The following NRXN1 variants were observed in gnomAD, a reference collection of about 807,000 sequenced individuals.
NRXN1 encodes the protein neurexin 1.
In NRXN1, 39 loss-of-function variants were observed where a neutral mutation model predicts 150.9. That is an observed-to-expected ratio of 0.26 (90% CI 0.20 to 0.34). The LOEUF (loss-of-function observed/expected upper bound fraction) is 0.34. NRXN1 is among the 10% of genes least tolerant of loss of function. The probability of loss-of-function intolerance (pLI) is 1.00; values close to 1 mark genes in which losing one functional copy is unlikely to be tolerated. For synonymous variants in NRXN1, 924 were observed against 757.0 expected, an observed-to-expected ratio of 1.22 and a Z score of -3.62; for missense variants, 1,815 against 1,949.9, an observed-to-expected ratio of 0.93 and a Z score of 1.30.
intron 8 of NRXN1, among the ~76,000 whole-genome samples, chr2:50,596,863 C>CTTTTTTTT (rs3053104): frequency 1.1e-4 from 10 of 92,174 alleles, no homozygotes; most frequent in Non-Finnish European, 1.6e-4. Flanking sequence ...ATTCCTAGGA[C>CTTTTTTTT]TTTTTTTTTT....
At chr2:50,800,643 G>A (rs538249395) in intron 5 of NRXN1, among the ~76,000 whole-genome samples, 10 of 152,054 alleles carry the variant, frequency 6.6e-5, no homozygotes, top group Non-Finnish European at 1.2e-4. Flanking sequence ...TCCACCTCCC[G>A]GGTTCAGGCA....
intron 16 of NRXN1, among the ~76,000 whole-genome samples, chr2:50,471,333 C>A (rs1171231750): frequency 6.6e-6 from 1 of 151,810 alleles, no homozygotes; most frequent in Admixed American, 6.6e-5. Flanking sequence ...GCAGCTCCCA[C>A]TTATAAGTGA....
At chr2:50,748,372 C>T (rs1700231224) in intron 5 of NRXN1, among the ~76,000 whole-genome samples, 2 of 152,074 alleles carry the variant, frequency 1.3e-5, no homozygotes, top group South Asian at 2.1e-4. Context: ...AATAAAATGT[C>T]GATTTGATTT....
intron 11 of NRXN1, among the ~76,000 whole-genome samples, chr2:50,529,173 A>C (rs1164889848): frequency 2.0e-5 from 3 of 152,166 alleles, no homozygotes; most frequent in Non-Finnish European, 4.4e-5. Flanking sequence ...TTTGTTTTTA[A>C]ATTTTATTTG....
intron 18 of NRXN1, among the ~76,000 whole-genome samples, chr2:50,110,379 C>A (rs1264150908): frequency 6.6e-6 from 1 of 151,366 alleles, no homozygotes; most frequent in Non-Finnish European, 1.5e-5. Flanking sequence ...GTAGTCCCAG[C>A]TGCTCGGGAG....
intron 15 of NRXN1, among the ~76,000 whole-genome samples, chr2:50,490,880 C>T (rs575753580): frequency 2.6e-5 from 4 of 152,252 alleles, no homozygotes; most frequent in African/African-American, 9.6e-5. Context: ...GTCTGTCTTA[C>T]TTCCTACTGG....
intron 5 of NRXN1, among the ~76,000 whole-genome samples, chr2:50,898,038 C>T (rs1682292985): frequency 6.6e-6 from 1 of 152,048 alleles, no homozygotes; most frequent in South Asian, 2.1e-4. Context: ...TTTAGATATG[C>T]CAGGTCACAC....
intron 5 of NRXN1, among the ~76,000 whole-genome samples, chr2:50,669,283 A>T (rs1253060803): frequency 6.6e-6 from 1 of 151,678 alleles, no homozygotes; most frequent in East Asian, 1.9e-4. Flanking sequence ...AGTTGAAAAA[A>T]CTCGGCAGGA....
Position 50,115,828 on chromosome 2 carries a change from C to T in NRXN1, c.3547-24334G>A, listed in dbSNP as rs575347958. Among the ~76,000 whole-genome samples, 16 of 152,136 alleles carry T rather than the reference C, an allele frequency of 1.1e-4. 1 individual carries two copies. In the South Asian group the frequency reaches 3.1e-3, roughly 30 times the overall value. ...AATGTGAACAGAGGCAACAGTCTTT[C>T]TGTTACATAAGAATCATGTACATAT... On this transcript the variant is annotated intron_variant, in intron 18 of 22. Transcript: ENST00000401669.
chr2:50,456,836 C>A (rs558375447), intron 17 of NRXN1, among the ~76,000 whole-genome samples: 1 of 152,048 alleles, frequency 6.6e-6, no homozygotes, highest in Non-Finnish European at 1.5e-5. Context: ...ACACTAATAA[C>A]CTCCGACTTA....
chr2:49,971,253 C>T (rs911994487), intron 21 of NRXN1, among the ~76,000 whole-genome samples: 1 of 152,108 alleles, frequency 6.6e-6, no homozygotes, highest in Non-Finnish European at 1.5e-5. Context: ...CTTATCAATG[C>T]ACCCAGATGC....
At position 50,994,371 on chromosome 2, in the gene NRXN1, T is replaced by C. The variant is rs552904648; in HGVS notation, c.772+33131A>G. On this transcript the variant is annotated intron_variant, in intron 2 of 22. Coordinates refer to ENST00000401669, the MANE Select transcript of NRXN1 (RefSeq NM_001330078.2). Reference sequence around the variant, plus strand: ...TTAAAAGAAAAAATACAGACTTAAATAGGGAGATAACTTATCCTCAAGTTT... The same window carrying C: ...TTAAAAGAAAAAATACAGACTTAAACAGGGAGATAACTTATCCTCAAGTTT... Among the ~76,000 whole-genome samples, 8 of 152,176 alleles carry C rather than the reference T, an allele frequency of 5.3e-5. No individual in the cohort carries two copies. In the East Asian group the frequency reaches 1.6e-3, roughly 30 times the overall value.
chr2:50,811,313 A>G (rs1574556360), intron 5 of NRXN1, among the ~76,000 whole-genome samples: 2 of 152,124 alleles, frequency 1.3e-5, no homozygotes, highest in East Asian at 3.9e-4. Context: ...CTTTTATCCT[A>G]TTGAAATCAT....
chr2:50,573,484 A>T (rs997643786), intron 8 of NRXN1, among the ~76,000 whole-genome samples: 28 of 152,158 alleles, frequency 1.8e-4, no homozygotes, highest in African/African-American at 6.8e-4. Context: ...CTTTTAAATT[A>T]ATTTATAAGA....
intron 5 of NRXN1, among the ~76,000 whole-genome samples, chr2:50,750,761 T>C (rs751524746): frequency 7.2e-5 from 11 of 151,982 alleles, no homozygotes; most frequent in African/African-American, 1.2e-4. Flanking sequence ...GCCGAAGTGG[T>C]TGTAGATTTC....
chr2:50,205,314 C>T (rs2062487058), intron 18 of NRXN1, among the ~76,000 whole-genome samples: 1 of 151,994 alleles, frequency 6.6e-6, no homozygotes, highest in African/African-American at 2.4e-5. Context: ...AAAGTAGAAA[C>T]TGATGGAATG....
chr2:49,973,656 G>GT (rs1346083926), intron 21 of NRXN1: 11 of 360,146 alleles, frequency 3.1e-5, no homozygotes, highest in Non-Finnish European at 5.0e-5. Flanking sequence ...AGTTTTGGTT[G>GT]TTTTTGCCAC....
intron 16 of NRXN1, among the ~76,000 whole-genome samples, chr2:50,470,896 A>C (rs1250762376): frequency 6.6e-6 from 1 of 151,836 alleles, no homozygotes; most frequent in Admixed American, 6.6e-5. Context: ...AAAAGAAAAG[A>C]AGATACTTCA....
chr2:50,503,100 G>C (rs2092035419), intron 13 of NRXN1, among the ~76,000 whole-genome samples: 1 of 152,116 alleles, frequency 6.6e-6, no homozygotes, highest in African/African-American at 2.4e-5. Context: ...CTGAGGTCAA[G>C]AATTCAAGAC....
Sources: allele counts gnomAD v4.1 joint callset (sites outside exome capture counted in the v4.1 genomes callset), GRCh38; gene constraint gnomAD v4.1.1; transcripts MANE v1.5; gene names NCBI Gene and HGNC (gene_info 2026-07-23, HGNC 2026-07-21).